The following PACS1 variants were observed in gnomAD, a reference collection of about 807,000 sequenced individuals.
The protein encoded by PACS1 is PACS-1.
In PACS1, 24 loss-of-function variants were observed where a neutral mutation model predicts 115.0. That is an observed-to-expected ratio of 0.21 (90% confidence interval 0.15 to 0.29). PACS1 has a LOEUF of 0.29. PACS1 is among the 10% of genes least tolerant of loss of function. The probability of loss-of-function intolerance (pLI) is 1.00; values close to 1 mark genes in which losing one functional copy is unlikely to be tolerated. For synonymous variants in PACS1, 453 were observed against 504.5 expected (o/e 0.90, Z 1.37); for missense variants, 838 against 1,251.2 (o/e 0.67, Z 4.98).
chr11:66,144,917 G>A (rs1271133842), intron 1 of PACS1, among the ~76,000 whole-genome samples: 2 of 152,230 alleles, frequency 1.3e-5, no homozygotes, highest in African/African-American at 4.8e-5. Context: ...TCACAGATGT[G>A]AGCCATCACG....
Position 66,173,204 on chromosome 11 carries a change from A to G in PACS1, c.357-20282A>G, listed in dbSNP as rs952438432. On this transcript the variant is annotated intron_variant, in intron 1 of 23. Coordinates refer to ENST00000320580, the MANE Select transcript of PACS1 (RefSeq NM_018026.4). ...CACTTCACCCTCCCAAGGTGCTGAC[A>G]TTACAGGCATAAGCCACCACATCCA... Among the ~76,000 whole-genome samples the G allele has an allele frequency of 9.9e-5, 15 of 151,772 alleles. 1 individual carries two copies. The highest frequency in any genetic ancestry group is 3.4e-4 in the African/African-American group (14 of 41,396).
chr11:66,118,832 C>T (rs886775424), intron 1 of PACS1, among the ~76,000 whole-genome samples: 17 of 150,912 alleles, frequency 1.1e-4, no homozygotes, highest in Non-Finnish European at 2.2e-4. Flanking sequence ...CTTATTTTCT[C>T]GTTATTTCCT....
Position 66,232,296 on chromosome 11 carries a change from G to A in PACS1, c.1731+20G>A, listed in dbSNP as rs764357834. ...GGCCAGGTAAGTGCTGAAACTGCGA[G>A]GCCATGTGGGGTCCTGGAGGGCAGG... On this transcript the variant is annotated intron_variant, in intron 14 of 23. Transcript: ENST00000320580. The A allele has an allele frequency of 7.1e-7, 1 of 1,417,260 alleles. No homozygotes were observed. The highest frequency in any genetic ancestry group is 1.7e-5 in the Admixed American group (1 of 59,680). 87.8% of individuals were successfully genotyped at this position (1,417,260 alleles called of 1,614,324 possible).
chr11:66,157,599 A>C (rs1327970413), intron 1 of PACS1, among the ~76,000 whole-genome samples: 1 of 152,188 alleles, frequency 6.6e-6, no homozygotes, highest in Non-Finnish European at 1.5e-5. Context: ...GTTATAAATG[A>C]GGGTGGGAGG....
intron 1 of PACS1, among the ~76,000 whole-genome samples, chr11:66,103,513 ATTTTTTTTTTTTTTT>A (rs556121033): frequency 9.2e-6 from 1 of 109,180 alleles, no homozygotes; most frequent in Non-Finnish European, 1.8e-5. Context: ...TTTGTTTGGA[ATTTTTTTTTTTTTTT>A]TTTTTTTTTT....
At chr11:66,181,736 T>C (rs981688424) in intron 1 of PACS1, among the ~76,000 whole-genome samples, 1 of 152,208 alleles carries the variant, frequency 6.6e-6, no homozygotes, top group Admixed American at 6.5e-5. Flanking sequence ...GATGGTTTTT[T>C]GTTTGTTCTT....
chr11:66,231,802 C>T (rs1391507233), intron 13 of PACS1: 2 of 235,754 alleles, frequency 8.5e-6, no homozygotes, highest in African/African-American at 4.5e-5. Context: ...TTCTGTTTCT[C>T]TGAGCACCTG....
At chr11:66,120,937 C>G in intron 1 of PACS1, 1 of 446,776 alleles carries the variant, frequency 2.2e-6, no homozygotes, top group Middle Eastern at 3.3e-4. Flanking sequence ...TTCCACAGGG[C>G]CTGTGCACGC....
chr11:66,082,670 A>G (rs1275266608), intron 1 of PACS1, among the ~76,000 whole-genome samples: 1 of 152,078 alleles, frequency 6.6e-6, no homozygotes, highest in African/African-American at 2.4e-5. Context: ...CCTGGCCAAC[A>G]TGGTGAAACT....
intron 1 of PACS1, among the ~76,000 whole-genome samples, chr11:66,086,696 A>G (rs1857576135): frequency 6.6e-6 from 1 of 151,560 alleles, no homozygotes; most frequent in Non-Finnish European, 1.5e-5. Context: ...GCTCATGGCA[A>G]CCTCCGCCTC....
chr11:66,151,105 T>G, intron 1 of PACS1, among the ~76,000 whole-genome samples: 1 of 152,050 alleles, frequency 6.6e-6, no homozygotes, highest in Non-Finnish European at 1.5e-5. Context: ...AAATTCCTGG[T>G]TGACTATTAA....
At chr11:66,210,172 A>G (rs1023406585) in intron 2 of PACS1, among the ~76,000 whole-genome samples, 190 bp from the exon 3 acceptor site, 4 of 151,906 alleles carry the variant, frequency 2.6e-5, no homozygotes, top group Non-Finnish European at 5.9e-5. Flanking sequence ...CTGGGACTAC[A>G]GGCATGTGTA....
chr11:66,156,849 T>C (rs140548645), intron 1 of PACS1, among the ~76,000 whole-genome samples: 4,021 of 137,176 alleles, frequency 0.029, 173 homozygotes, highest in African/African-American at 0.098. Flanking sequence ...CGAGACTCTG[T>C]CTCGAAAAAA....
At chr11:66,134,246 T>C (rs1368924220) in intron 1 of PACS1, among the ~76,000 whole-genome samples, 2 of 121,894 alleles carry the variant, frequency 1.6e-5, no homozygotes, top group Admixed American at 2.1e-4. Context: ...CTTTTTCTTT[T>C]TCTTTTTCTT....
At chr11:66,216,407 C>A in intron 5 of PACS1, 113 bp from the exon 6 acceptor site, 1 of 1,403,834 alleles carries the variant, frequency 7.1e-7, no homozygotes, top group Non-Finnish European at 1.0e-6. Context: ...CTGGCCCTCC[C>A]CTCCACCCTG....
chr11:66,221,571 G>A (rs1057039365), intron 10 of PACS1: 100 of 229,464 alleles, frequency 4.4e-4, no homozygotes, highest in African/African-American at 2.3e-4. Context: ...ACTTGAAGCC[G>A]GGAGGCGGAG....
At chr11:66,148,359 C>G (rs1859169839) in intron 1 of PACS1, among the ~76,000 whole-genome samples, 1 of 152,102 alleles carries the variant, frequency 6.6e-6, no homozygotes, top group Non-Finnish European at 1.5e-5. Flanking sequence ...TCTCGTGAGG[C>G]TGTACTCACA....
intron 2 of PACS1, among the ~76,000 whole-genome samples, chr11:66,208,033 T>C (rs1466004507): frequency 6.6e-6 from 1 of 152,276 alleles, no homozygotes; most frequent in East Asian, 1.9e-4. Flanking sequence ...CCTCCCAAAG[T>C]GCCGGGATTA....
chr11:66,076,111 T>C (rs1455196429), intron 1 of PACS1, among the ~76,000 whole-genome samples: 2 of 152,194 alleles, frequency 1.3e-5, no homozygotes, highest in Non-Finnish European at 2.9e-5. Flanking sequence ...TAATAGAATA[T>C]CATCTCTATC....
Sources: gnomAD v4.1 joint callset for allele counts (sites outside exome capture counted in the v4.1 genomes callset) on GRCh38, gnomAD v4.1.1 for gene constraint, MANE v1.5 for transcripts, NCBI Gene and HGNC (gene_info 2026-07-23, HGNC 2026-07-21) for gene names.